DDX42: variants seen among roughly 807,000 people sequenced by gnomAD.
DDX42 encodes the protein DEAD-box helicase 42, also known as ATP-dependent RNA helicase DDX42.
A neutral mutation model predicts 101.5 loss-of-function variants in DDX42; 22 were observed. The ratio of observed to expected loss-of-function variants is 0.22; its 90% CI spans 0.15 to 0.31. The LOEUF (loss-of-function observed/expected upper bound fraction) is 0.31. DDX42 is among the 10% of genes least tolerant of loss of function. DDX42 has a pLI of 1.00. For missense variants in DDX42, 849 were observed against 1,199.9 expected (o/e 0.71, Z 4.32); for synonymous variants, 402 against 401.2 (o/e 1.00, Z -0.02).
At chr17:63,788,384 G>A (rs1418559171) in intron 2 of DDX42, among the ~76,000 whole-genome samples, 2 of 144,774 alleles carry the variant, frequency 1.4e-5, no homozygotes, top group African/African-American at 5.2e-5. Context: ...TTGGCTCACT[G>A]CAACCTCCGC....
At chr17:63,785,078 C>G (rs2039531113) in intron 1 of DDX42, among the ~76,000 whole-genome samples, 1 of 152,044 alleles carries the variant, frequency 6.6e-6, no homozygotes, top group Admixed American at 6.6e-5. Context: ...TAGAACAAAA[C>G]TACATATCTG....
At chr17:63,775,287 A>C (rs981845804) in intron 1 of DDX42, 18 of 152,580 alleles carry the variant, frequency 1.2e-4, no homozygotes, top group African/African-American at 4.1e-4. Flanking sequence ...CTAATGTGCA[A>C]TTCGTTCATT....
chr17:63,774,722 G>A (rs1353727573), intron 1 of DDX42: 1 of 152,274 alleles, frequency 6.6e-6, no homozygotes, highest in Non-Finnish European at 1.5e-5. Flanking sequence ...CTGACCCAAG[G>A]AGGCAGCGCT....
rs1410421739 is a variant in DDX42 at position 63,818,639 on chromosome 17, T to C, written c.*241T>C. 1.0e-5 allele frequency: 5 copies of C among 489,460 alleles called. No individual in the cohort carries two copies. In the East Asian group the frequency reaches 1.7e-4, roughly 17 times the overall value. 30.3% of individuals were successfully genotyped at this position (489,460 alleles called of 1,614,324 possible). ...GCTTCTTTTGGCTCTAGGTGAGTTG[T>C]CATGTGGGTAAGTTGAGGTTATCTT... On this transcript the variant is annotated 3_prime_UTR_variant, in exon 18 of 18. Coordinates refer to ENST00000389924, the MANE Select transcript of DDX42 (RefSeq NM_203499.3).
Position 63,819,029 on chromosome 17 carries a change from C to G in DDX42, c.*631C>G, listed in dbSNP as rs1364002147. On this transcript the variant is annotated 3_prime_UTR_variant, in exon 18 of 18. Coordinates refer to ENST00000389924, the MANE Select transcript of DDX42 (RefSeq NM_203499.3). Reference sequence around the variant, plus strand: ...ACAAGGATTGAAGGGAAAAGGTGATCCTGGTAACTGTTCCAGGATTGCTCC... The same window carrying G: ...ACAAGGATTGAAGGGAAAAGGTGATGCTGGTAACTGTTCCAGGATTGCTCC... The G allele has an allele frequency of 6.6e-6, 1 of 152,476 alleles. No homozygotes were observed. The highest frequency in any genetic ancestry group is 2.4e-5 in the African/African-American group (1 of 41,422). 9.4% of individuals were successfully genotyped at this position (152,476 alleles called of 1,614,324 possible).
intron 1 of DDX42, among the ~76,000 whole-genome samples, chr17:63,777,541 G>A (rs888508842): frequency 9.9e-5 from 15 of 151,196 alleles, no homozygotes; most frequent in African/African-American, 3.6e-4. Context: ...TCCGTCTCCC[G>A]GGTTCAAGTG....
chr17:63,805,758 G>A (rs2039831501), intron 7 of DDX42: 1 of 152,326 alleles, frequency 6.6e-6, no homozygotes, highest in Non-Finnish European at 1.5e-5. Context: ...TCGCCTGTGT[G>A]CACCTTATCA....
intron 2 of DDX42, among the ~76,000 whole-genome samples, chr17:63,790,846 G>T (rs1045159738): frequency 6.6e-6 from 1 of 152,012 alleles, no homozygotes; most frequent in Non-Finnish European, 1.5e-5. Flanking sequence ...CAGGAGAATT[G>T]CTTGAACCTG....
At chr17:63,776,074 A>T (rs1285454063) in intron 1 of DDX42, 1 of 152,252 alleles carries the variant, frequency 6.6e-6, no homozygotes, top group Non-Finnish European at 1.5e-5. Flanking sequence ...CTCAAAGTAT[A>T]TGTAGAGTAG....
intron 14 of DDX42, 45 bp from the exon 15 acceptor site, chr17:63,813,183 G>C: frequency 6.5e-7 from 1 of 1,527,744 alleles, no homozygotes; most frequent in Non-Finnish European, 8.9e-7. Flanking sequence ...TTGATCTTCT[G>C]ACTACAGATG....
chr17:63,800,912 CTTTCCTTCCTTCCTTTCTTTCTTTT>C (rs2039756950), intron 6 of DDX42, among the ~76,000 whole-genome samples: 1 of 19,606 alleles, frequency 5.1e-5, no homozygotes, highest in African/African-American at 7.6e-4. Flanking sequence ...TCTTTCTTTT[CTTTCCTTCCTTCCTTTCTTTCTTTT>C]CTTTCCTTCC....
chr17:63,786,192 G>A (rs1460261156), intron 1 of DDX42, among the ~76,000 whole-genome samples: 3 of 152,096 alleles, frequency 2.0e-5, no homozygotes, highest in Non-Finnish European at 4.4e-5. Flanking sequence ...ATTTGTTGAG[G>A]CTAGCATGGT....
chr17:63,790,178 TATATGAATGA>T (rs2039608393), intron 2 of DDX42, among the ~76,000 whole-genome samples: 1 of 152,170 alleles, frequency 6.6e-6, no homozygotes, highest in South Asian at 2.1e-4. Context: ...AAAAACCTAC[TATATGAATGA>T]ATATGCATGA....
intron 3 of DDX42, among the ~76,000 whole-genome samples, chr17:63,794,460 T>C (rs890751061): frequency 3.3e-5 from 5 of 151,934 alleles, no homozygotes; most frequent in African/African-American, 1.2e-4. Flanking sequence ...TAGTGAGCCA[T>C]GATCATGCCA....
At chr17:63,806,326 T>C (rs1336678985) in intron 7 of DDX42, 17 of 376,392 alleles carry the variant, frequency 4.5e-5, no homozygotes, top group Non-Finnish European at 7.4e-5. Flanking sequence ...ACAATTATCT[T>C]GGGAATATTT....
At chr17:63,794,045 C>T (rs1187321155) in intron 3 of DDX42, among the ~76,000 whole-genome samples, 1 of 152,030 alleles carries the variant, frequency 6.6e-6, no homozygotes, top group Admixed American at 6.6e-5. Context: ...CTTTCCTCTT[C>T]TCATTGGCCA....
At chr17:63,795,345 C>T (rs2039680490) in intron 3 of DDX42, among the ~76,000 whole-genome samples, 1 of 152,306 alleles carries the variant, frequency 6.6e-6, no homozygotes, top group Non-Finnish European at 1.5e-5. Flanking sequence ...TGTCATTTCT[C>T]TTGCACTGTA....
chr17:63,817,229 C>T (rs2039987211), intron 17 of DDX42: 2 of 425,196 alleles, frequency 4.7e-6, no homozygotes, highest in Middle Eastern at 6.2e-4. Flanking sequence ...GTGTTCCCTC[C>T]CTTCCCAACA....
In DDX42 at chr17:63,818,135, C is replaced by T. The variant is rs772723138; in HGVS notation, c.2554C>T (p.Arg852Cys). The change falls in exon 18 of 18, where the codon CGT becomes TGT. Residue 852 changes from arginine (R) to cysteine (C), a missense_variant. Physicochemically the swap from Arg to Cys is radical, Grantham distance 180 (BLOSUM62 -3). Around this residue, in one of 5 missense-constraint regions of DDX42, gnomAD observed 300 missense variants for 304.9 expected, o/e 0.98. Coordinates refer to ENST00000389924, the MANE Select transcript of DDX42 (RefSeq NM_203499.3). ...DGYRHPESSS[R>C]HTDGHRHGEN... ...ATACCGCCATCCAGAAAGCAGCAGC[C>T]GTCATACTGATGGCCATCGGCACGG... The T allele has an allele frequency of 7.4e-6, 12 of 1,613,860 alleles. No homozygotes were observed. The Admixed American group carries it at 1.0e-4, about 13-fold the overall frequency.
Sources: gnomAD v4.1 joint callset for allele counts (sites outside exome capture counted in the v4.1 genomes callset) on GRCh38, gnomAD v4.1.1 for gene constraint, gnomAD v4.1.1 regional missense constraint, MANE v1.5 for transcripts, NCBI Gene and HGNC (gene_info 2026-07-23, HGNC 2026-07-21) for gene names.